The following ATP2B2 variants were observed in gnomAD, a reference collection of about 807,000 sequenced individuals.
ATP2B2 encodes plasma membrane calcium-transporting ATPase 2.
ATP2B2 carries 15 observed loss-of-function variants against 120.0 expected under a neutral mutation model. The observed-to-expected ratio is 0.12, with a 90% CI of 0.08 to 0.19. The LOEUF is 0.19. ATP2B2 is among the 10% of genes least tolerant of loss of function. The probability of loss-of-function intolerance (pLI) is 1.00; values close to 1 mark genes in which losing one functional copy is unlikely to be tolerated. For synonymous variants in ATP2B2, 694 were observed against 700.3 expected (o/e 0.99, Z 0.14); for missense variants, 1,045 against 1,719.8 (o/e 0.61, Z 6.94).
intron 2 of ATP2B2, among the ~76,000 whole-genome samples, chr3:10,559,826 GAAT>G (rs879594657): frequency 6.6e-6 from 1 of 152,210 alleles, no homozygotes; most frequent in African/African-American, 2.4e-5. Context: ...GGGGAGCTCA[GAAT>G]GAGTCCCGGG....
intron 2 of ATP2B2, among the ~76,000 whole-genome samples, chr3:10,446,452 T>G (rs1384011019): frequency 6.6e-6 from 1 of 152,170 alleles, no homozygotes; most frequent in African/African-American, 2.4e-5. Context: ...CTACTTCATT[T>G]TGTCCTCCCC....
intron 1 of ATP2B2, among the ~76,000 whole-genome samples, chr3:10,623,051 GCT>G (rs2069594060): frequency 7.7e-6 from 1 of 130,532 alleles, no homozygotes; most frequent in Non-Finnish European, 1.6e-5. Flanking sequence ...GCCTTGGTCA[GCT>G]CTTTTTTTTT....
Position 10,562,294 on chromosome 3 carries a change from G to A in ATP2B2, c.-414-28161C>T, listed in dbSNP as rs998599858. The stretch of plus-strand genomic sequence containing the variant: ...GGACATCAAGAGGAGTCCCATGGCA[G>A]TCTGACTGGTACGAGGAGGAACAGT... On this transcript the variant is annotated intron_variant, in intron 2 of 21. Transcript: ENST00000646379. Among the ~76,000 whole-genome samples the A allele has an allele frequency of 7.2e-5, 11 of 152,236 alleles. 1 individual carries two copies. The highest frequency in any genetic ancestry group is 1.5e-4 in the Non-Finnish European group (10 of 68,044).
chr3:10,548,903 G>C (rs1251443897), intron 2 of ATP2B2, among the ~76,000 whole-genome samples: 1 of 152,206 alleles, frequency 6.6e-6, no homozygotes, highest in East Asian at 1.9e-4. Flanking sequence ...CAGAGGTTTT[G>C]TTTTAATCAT....
intron 2 of ATP2B2, among the ~76,000 whole-genome samples, chr3:10,602,317 G>A (rs947400954): frequency 6.6e-6 from 1 of 152,222 alleles, no homozygotes; most frequent in Non-Finnish European, 1.5e-5. Flanking sequence ...TGCCGTTGTG[G>A]AAGTTTCTAA....
At chr3:10,369,672 A>G (rs1317823005) in intron 12 of ATP2B2, among the ~76,000 whole-genome samples, 4 of 152,194 alleles carry the variant, frequency 2.6e-5, no homozygotes, top group Admixed American at 1.3e-4. Context: ...AGCACTTTCC[A>G]TTAACTAACT....
chr3:10,470,903 G>A lies in ATP2B2; in HGVS notation c.-319-21041C>T, dbSNP rs187489678. Among the ~76,000 whole-genome samples, 129 of 152,228 alleles carry A rather than the reference G, an allele frequency of 8.5e-4. 1 individual carries two copies. Among genetic ancestry groups the A allele is most frequent in the Admixed American group, 7.6e-3 (117 of 15,304 alleles). On this transcript the variant is annotated intron_variant, in intron 1 of 22. Transcript: ENST00000360273. Reference sequence around the variant, plus strand: ...ACAGGGACATGCAGGTTGCTATGGCGACAGCACATCGGATACTGACCTGGG... The same window carrying A: ...ACAGGGACATGCAGGTTGCTATGGCAACAGCACATCGGATACTGACCTGGG...
At chr3:10,407,739 G>A (rs1327793684) in intron 3 of ATP2B2, among the ~76,000 whole-genome samples, 1 of 152,188 alleles carries the variant, frequency 6.6e-6, no homozygotes, top group East Asian at 1.9e-4. Flanking sequence ...GGTGTTGAAC[G>A]TGGCCACTTT....
intron 1 of ATP2B2, among the ~76,000 whole-genome samples, chr3:10,649,998 G>A (rs770974501): frequency 7.2e-5 from 11 of 152,286 alleles, no homozygotes; most frequent in African/African-American, 1.4e-4. Flanking sequence ...GATCGGCAGC[G>A]TGAAAACAGA....
chr3:10,661,875 C>A (rs139115864), intron 1 of ATP2B2, among the ~76,000 whole-genome samples: 3,493 of 152,296 alleles, frequency 0.023, 67 homozygotes, highest in South Asian at 0.086. Context: ...GTAACCAAAA[C>A]AGCATAGTAC....
At chr3:10,614,800 A>C (rs2004713) in intron 2 of ATP2B2, among the ~76,000 whole-genome samples, 109,804 of 151,748 alleles carry the variant, frequency 0.72, 39,854 homozygotes, top group Admixed American at 0.76. Flanking sequence ...ACGGAGTCCC[A>C]AGACATTTAG....
At chr3:10,457,921 A>T (rs1052961845) in intron 1 of ATP2B2, among the ~76,000 whole-genome samples, 1 of 152,042 alleles carries the variant, frequency 6.6e-6, no homozygotes, top group East Asian at 1.9e-4. Flanking sequence ...GGAGCTTCTC[A>T]CCCTCACGCC....
chr3:10,522,722 T>G (rs1393912146), intron 3 of ATP2B2, among the ~76,000 whole-genome samples: 1 of 152,194 alleles, frequency 6.6e-6, no homozygotes, highest in Non-Finnish European at 1.5e-5. Flanking sequence ...AGTCATTACC[T>G]CATAGAGCCT....
chr3:10,672,242 C>CG (rs2071119928), intron 1 of ATP2B2, among the ~76,000 whole-genome samples: 1 of 152,208 alleles, frequency 6.6e-6, no homozygotes. Context: ...AACCTCCTGG[C>CG]GCTCCAGCTT....
chr3:10,402,585 G>T lies in ATP2B2; in HGVS notation c.398-237C>A, dbSNP rs1223274109. On this transcript the variant is annotated intron_variant, in intron 3 of 22. Transcript: ENST00000360273. This position sits in a 1 kb window ranked among gnomAD's most constrained non-coding sequence, Gnocchi z 4.9. ...GTGGAAGCTGAGGTTTCTCAGAGAG[G>T]TCAGGTGACTTGCCCAAGCAATGAA... Among the ~76,000 whole-genome samples the T allele has an allele frequency of 6.6e-6, 1 of 152,268 alleles. No individual in the cohort carries two copies. The highest frequency in any genetic ancestry group is 1.5e-5 in the Non-Finnish European group (1 of 68,046).
chr3:10,640,627 T>C lies in ATP2B2; in HGVS notation c.-459-20666A>G, dbSNP rs145612774. Among the ~76,000 whole-genome samples, 38 of 152,264 alleles carry C rather than the reference T, an allele frequency of 2.5e-4. 1 individual carries two copies. In the East Asian group the frequency reaches 7.4e-3, roughly 29 times the overall value. The stretch of plus-strand genomic sequence containing the variant: ...ACTTTTACTGGGATTCCCAGAAAGC[T>C]TCTGGAGGAGGAGGGCCCTTGTAAT... On this transcript the variant is annotated intron_variant, in intron 1 of 21. Coordinates refer to the ATP2B2 transcript ENST00000646379.
chr3:10,592,051 T>C (rs2068657302), intron 2 of ATP2B2, among the ~76,000 whole-genome samples: 1 of 152,180 alleles, frequency 6.6e-6, no homozygotes, highest in Non-Finnish European at 1.5e-5. Context: ...AGGCCTGCAC[T>C]GGTCCAGGGC....
chr3:10,599,879 C>T (rs748203269), intron 2 of ATP2B2, among the ~76,000 whole-genome samples: 1 of 151,962 alleles, frequency 6.6e-6, no homozygotes, highest in African/African-American at 2.4e-5. Context: ...GAACGTAGTA[C>T]GTGGGGTGGA....
intron 10 of ATP2B2, among the ~76,000 whole-genome samples, chr3:10,376,337 G>A (rs1001469951): frequency 1.6e-4 from 24 of 151,692 alleles, no homozygotes; most frequent in South Asian, 4.1e-4. Context: ...AGGGTGGCCA[G>A]GGAAGGCTTC....
Sources: gnomAD v4.1 joint callset for allele counts (sites outside exome capture counted in the v4.1 genomes callset) on GRCh38, gnomAD v4.1.1 for gene constraint, Gnocchi (gnomAD v3.1) non-coding constraint, MANE v1.5 for transcripts, NCBI Gene and HGNC (gene_info 2026-07-23, HGNC 2026-07-21) for gene names.